The following UBA3 variants were observed in gnomAD, a reference collection of about 807,000 sequenced individuals.
UBA3 encodes ubiquitin like modifier activating enzyme 3, also known as NEDD8-activating enzyme E1 catalytic subunit.
UBA3 carries 26 observed loss-of-function variants against 73.5 expected under a neutral mutation model. The observed-to-expected ratio is 0.35, with a 90% CI of 0.26 to 0.49. UBA3 has a LOEUF of 0.49. UBA3 is among the 20% of genes least tolerant of loss of function. UBA3 has a pLI of 0.98. For synonymous variants in UBA3, 217 were observed against 191.2 expected (o/e 1.13, Z -1.11); for missense variants, 495 against 555.6 (o/e 0.89, Z 1.10).
At position 69,071,622 on chromosome 3, in the gene UBA3, G is replaced by T; in HGVS notation, c.265-5C>A. On this transcript the variant is annotated splice_region_variant and splice_polypyrimidine_tract_variant and intron_variant, in intron 4 of 17. Coordinates refer to ENST00000361055, the MANE Select transcript of UBA3 (RefSeq NM_003968.4). ...CTGTCTAAAACCAGACAAGGCCTGT[G>T]GGAATAAAAACAATCCAATTAAGCA... is the stretch of plus-strand genomic sequence containing the variant. 6.6e-7 allele frequency: 1 copy of T among 1,523,314 alleles called. No individual in the cohort carries two copies. The highest frequency in any genetic ancestry group is 8.8e-7 in the Non-Finnish European group (1 of 1,141,578). 94.4% of individuals were successfully genotyped at this position (1,523,314 alleles called of 1,614,324 possible).
intron 11 of UBA3, among the ~76,000 whole-genome samples, chr3:69,058,185 C>A (rs1181837694): frequency 6.6e-6 from 1 of 152,178 alleles, no homozygotes; most frequent in African/African-American, 2.4e-5. Context: ...CCGCCCTGGC[C>A]TCCCAAAGTG....
chr3:69,080,137 T>G lies in UBA3; in HGVS notation c.37A>C (p.Arg13=). The G allele has an allele frequency of 6.2e-7, 1 of 1,608,200 alleles. No homozygotes were observed. Among genetic ancestry groups the G allele is most frequent in the Non-Finnish European group, 8.5e-7 (1 of 1,178,302 alleles). The change falls in exon 2 of 18, where the codon AGA becomes CGA. Residue 13 remains arginine, a synonymous_variant. Coordinates refer to ENST00000361055, the MANE Select transcript of UBA3 (RefSeq NM_003968.4). Reference sequence around the variant, plus strand: ...TTCTCAGCCAGCAGCTCCTCTATTCTCCTTCTTTTCTTCTCCCTAAAAGAG... The same window carrying G: ...TTCTCAGCCAGCAGCTCCTCTATTCGCCTTCTTTTCTTCTCCCTAAAAGAG... ...DGEEPEKKRR[R]IEELLAEKMA... is the part of the protein sequence containing the mutation.
chr3:69,060,287 A>AACC (rs1356936006), intron 11 of UBA3, among the ~76,000 whole-genome samples: 1 of 151,874 alleles, frequency 6.6e-6, no homozygotes, highest in African/African-American at 2.4e-5. Flanking sequence ...ATATTAAGAA[A>AACC]AACAAAAAAA....
intron 3 of UBA3, among the ~76,000 whole-genome samples, chr3:69,076,202 A>G (rs907435640): frequency 6.6e-6 from 1 of 152,194 alleles, no homozygotes; most frequent in Non-Finnish European, 1.5e-5. Context: ...ACAGAGGATC[A>G]AGCACTGCCC....
At chr3:69,078,858 C>A (rs749188928) in intron 2 of UBA3, among the ~76,000 whole-genome samples, 51 of 152,242 alleles carry the variant, frequency 3.3e-4, no homozygotes, top group South Asian at 1.0e-3. Flanking sequence ...TACAATTACG[C>A]CACAGATAGA....
At chr3:69,078,227 T>C (rs572504243) in intron 2 of UBA3, among the ~76,000 whole-genome samples, 148 of 152,308 alleles carry the variant, frequency 9.7e-4, no homozygotes, top group African/African-American at 3.1e-3. Flanking sequence ...ATGTGAGAAA[T>C]TGACTTCTCT....
At chr3:69,055,960 T>C (rs756816627) in intron 16 of UBA3, 40 bp downstream of exon 16, 2 of 1,596,004 alleles carry the variant, frequency 1.3e-6, no homozygotes, top group Non-Finnish European at 1.7e-6. Context: ...TAAAACTTGA[T>C]ATAATTTTCT....
Position 69,063,074 on chromosome 3 carries a change from C to A in UBA3, c.601G>T (p.Gly201Trp). Residue 201 changes from glycine (G) to tryptophan (W), a missense_variant, in exon 9 of 18, where the codon GGG becomes TGG. Coordinates refer to ENST00000361055, the MANE Select transcript of UBA3 (RefSeq NM_003968.4). ...DPSSIVPLIDGGTEGFKGNAR... is the reference protein window; with the variant it reads ...DPSSIVPLIDWGTEGFKGNAR... The stretch of plus-strand genomic sequence containing the variant: ...TTTCCTTTAAAACCTTCTGTCCCCC[C>A]ATCTATCAAAGGGACAATGGAGCTT... 1 of 1,614,092 alleles carries A rather than the reference C, an allele frequency of 6.2e-7. No individual in the cohort carries two copies. The highest frequency in any genetic ancestry group is 8.5e-7 in the Non-Finnish European group (1 of 1,179,990).
chr3:69,061,509 G>A (rs2092021005), intron 11 of UBA3: 1 of 209,046 alleles, frequency 4.8e-6, no homozygotes, highest in African/African-American at 2.3e-5. Context: ...GACAATTTCT[G>A]TTCAATATAT....
chr3:69,056,748 T>C (rs763316101), intron 13 of UBA3, 31 bp downstream of exon 13: 2 of 1,611,794 alleles, frequency 1.2e-6, no homozygotes, highest in Admixed American at 1.7e-5. Flanking sequence ...AAACATAAAT[T>C]TACATGCATA....
chr3:69,061,966 GAC>G (rs1166565343), intron 10 of UBA3, 39 bp from the exon 11 acceptor site: 1 of 1,419,570 alleles, frequency 7.0e-7, no homozygotes, highest in Non-Finnish European at 9.7e-7. Context: ...AGAGAGAGAA[GAC>G]AGGAATACGT....
At chr3:69,060,744 G>A (rs868149461) in intron 11 of UBA3, among the ~76,000 whole-genome samples, 5 of 152,170 alleles carry the variant, frequency 3.3e-5, no homozygotes, top group South Asian at 2.1e-4. Context: ...TGTTTGGACC[G>A]TTAGGGCAGA....
chr3:69,080,357 G>T lies in UBA3; in HGVS notation c.-4C>A. On this transcript the variant is annotated 5_prime_UTR_variant, in exon 1 of 18. Transcript: ENST00000361055. ...ACGGCTCCTCGCCATCCGCCATATT[G>T]TTCTCCGCCTCTTCCCAGGTGCCCA... The T allele has an allele frequency of 1.3e-6, 2 of 1,599,982 alleles. No homozygotes were observed. The highest frequency in any genetic ancestry group is 1.7e-6 in the Non-Finnish European group (2 of 1,175,554).
intron 4 of UBA3, 49 bp downstream of exon 4, chr3:69,075,381 T>C: frequency 1.1e-6 from 1 of 930,264 alleles, no homozygotes. Flanking sequence ...TAAGGTTTAC[T>C]TATCACAAAG....
At chr3:69,065,187 C>A (rs2092058569) in intron 6 of UBA3, among the ~76,000 whole-genome samples, 1 of 152,074 alleles carries the variant, frequency 6.6e-6, no homozygotes, top group South Asian at 2.1e-4. Context: ...CCAAAGTTTC[C>A]CAGACCCACA....
At chr3:69,068,999 T>C (rs1455491996) in intron 5 of UBA3, among the ~76,000 whole-genome samples, 2 of 152,232 alleles carry the variant, frequency 1.3e-5, no homozygotes, top group South Asian at 2.1e-4. Flanking sequence ...CACATATAGA[T>C]AGGAAAGGAT....
intron 6 of UBA3, among the ~76,000 whole-genome samples, chr3:69,065,866 A>C (rs2092066360): frequency 6.6e-6 from 1 of 151,516 alleles, no homozygotes. Context: ...TGGTGGTCTT[A>C]GTTTGATGTG....
intron 4 of UBA3, among the ~76,000 whole-genome samples, chr3:69,074,341 A>G (rs1031090288): frequency 2.0e-5 from 3 of 152,234 alleles, no homozygotes; most frequent in African/African-American, 7.2e-5. Context: ...ACCACAGAGT[A>G]TATCATGCAT....
intron 14 of UBA3, 65 bp from the exon 15 acceptor site, chr3:69,056,348 A>C: frequency 7.9e-7 from 1 of 1,273,688 alleles, no homozygotes. Context: ...TTTTATGAAC[A>C]ATAAAATAAA....
Sources: gnomAD v4.1 joint callset for allele counts (sites outside exome capture counted in the v4.1 genomes callset) on GRCh38, gnomAD v4.1.1 for gene constraint, MANE v1.5 for transcripts, NCBI Gene and HGNC (gene_info 2026-07-23, HGNC 2026-07-21) for gene names.